Variants in FUT9 observed in about 807,000 individuals in gnomAD.
FUT9 encodes the protein 4-galactosyl-N-acetylglucosaminide 3-alpha-L-fucosyltransferase 9.
A neutral mutation model predicts 29.7 loss-of-function variants in FUT9; 15 were observed. The observed-to-expected ratio is 0.51, with a 90% CI of 0.34 to 0.78. FUT9 has a LOEUF of 0.78. Among genes scored for constraint, FUT9 ranks in the 30% least tolerant of loss-of-function variants. The pLI, the probability that FUT9 is intolerant of heterozygous loss-of-function variation, is 0.01. For missense variants in FUT9, 319 were observed against 425.4 expected (o/e 0.75, Z 2.20); for synonymous variants, 169 against 153.7 (o/e 1.10, Z -0.74).
chr6:96,045,156 T>C (rs933026323), intron 1 of FUT9, among the ~76,000 whole-genome samples: 3 of 152,200 alleles, frequency 2.0e-5, no homozygotes, highest in East Asian at 1.9e-4. Flanking sequence ...TCTGCCATTA[T>C]ACTGAGGGGG....
intron 2 of FUT9, among the ~76,000 whole-genome samples, chr6:96,156,200 A>T (rs974964784): frequency 6.6e-6 from 1 of 152,166 alleles, no homozygotes; most frequent in African/African-American, 2.4e-5. Context: ...CAACTGGCAA[A>T]TACTTTGAGG....
intron 1 of FUT9, among the ~76,000 whole-genome samples, chr6:96,062,986 G>A (rs1324431537): frequency 1.3e-5 from 2 of 152,104 alleles, no homozygotes; most frequent in South Asian, 2.1e-4. Flanking sequence ...GGTGTTGCTG[G>A]AATGATGTGG....
chr6:96,083,816 T>C (rs1582218252), intron 1 of FUT9, among the ~76,000 whole-genome samples: 1 of 152,236 alleles, frequency 6.6e-6, no homozygotes, highest in East Asian at 1.9e-4. Context: ...TTCGATATAA[T>C]AGCATTTCTC....
intron 1 of FUT9, among the ~76,000 whole-genome samples, chr6:96,046,629 T>C (rs188515264): frequency 9.9e-5 from 15 of 152,264 alleles, no homozygotes; most frequent in African/African-American, 3.6e-4. Context: ...AACTTGTGTA[T>C]TTCATGCCCC....
Position 96,209,476 on chromosome 6 carries a change from A to G in FUT9, c.*5241A>G, listed in dbSNP as rs563229015. ...ATCTTAATTGCCTGCAGAAAAATCA[A>G]TCATATTTTAGGCATTATTTTGAAA... On this transcript the variant is annotated 3_prime_UTR_variant, in exon 3 of 3. Transcript: ENST00000302103. 1 of 166,870 alleles carries G rather than the reference A, an allele frequency of 6.0e-6. No homozygotes were observed. The highest frequency in any genetic ancestry group is 1.5e-5 in the Non-Finnish European group (1 of 68,040). The allele number at this position is 166,870 out of a possible 1,614,324, so 10.3% of individuals were successfully genotyped here.
In FUT9 at chr6:96,204,295, G is replaced by C. The variant is rs1773786757; in HGVS notation, c.*60G>C. ...TGATGAGATATCATCCAAGTATTGA[G>C]GATAAGAAGAGATGCAACATACTAC... On this transcript the variant is annotated 3_prime_UTR_variant, in exon 3 of 3. Transcript: ENST00000302103. 16 of 1,207,570 alleles carry C rather than the reference G, an allele frequency of 1.3e-5. No homozygotes were observed. Among genetic ancestry groups the C allele is most frequent in the Non-Finnish European group, 3.3e-6 (3 of 901,544 alleles). The allele number at this position is 1,207,570 out of a possible 1,614,324, so 74.8% of individuals were successfully genotyped here.
At chr6:96,191,863 T>C (rs1179151366) in intron 2 of FUT9, among the ~76,000 whole-genome samples, 5 of 152,162 alleles carry the variant, frequency 3.3e-5, no homozygotes, top group Non-Finnish European at 7.4e-5. Flanking sequence ...CATGACCAAG[T>C]CGGCTTCATC....
chr6:96,124,521 GT>G (rs1772096214), intron 2 of FUT9, among the ~76,000 whole-genome samples: 1 of 151,680 alleles, frequency 6.6e-6, no homozygotes, highest in Non-Finnish European at 1.5e-5. Flanking sequence ...TTGTTTTTTT[GT>G]TTCATTTTTT....
chr6:96,105,941 A>T (rs1771672048), intron 1 of FUT9, among the ~76,000 whole-genome samples: 1 of 152,186 alleles, frequency 6.6e-6, no homozygotes, highest in Non-Finnish European at 1.5e-5. Flanking sequence ...AAATTTTAAG[A>T]ACCCAGTGTT....
intron 1 of FUT9, among the ~76,000 whole-genome samples, chr6:96,078,405 C>CTGATTTTTTTTTTTTTTTT (rs1201729276): frequency 1.1e-4 from 5 of 45,192 alleles, no homozygotes; most frequent in Non-Finnish European, 1.7e-4. Flanking sequence ...TCATATTAGT[C>CTGATTTTTTTTTTTTTTTT]TTCTTTTTTT....
chr6:96,111,305 T>C (rs534912648), intron 1 of FUT9, among the ~76,000 whole-genome samples: 49 of 152,126 alleles, frequency 3.2e-4, no homozygotes, highest in Middle Eastern at 3.4e-3. Context: ...CAGAAAGACA[T>C]GTAGAAAAGC....
chr6:96,140,290 T>C (rs1309770267), intron 2 of FUT9, among the ~76,000 whole-genome samples: 1 of 152,204 alleles, frequency 6.6e-6, no homozygotes, highest in East Asian at 1.9e-4. Flanking sequence ...TTTAAGTCTC[T>C]AGGAAGTCTC....
At chr6:96,192,929 C>G (rs1311204764) in intron 2 of FUT9, among the ~76,000 whole-genome samples, 2 of 151,838 alleles carry the variant, frequency 1.3e-5, no homozygotes, top group African/African-American at 4.8e-5. Context: ...CTTTGACAAA[C>G]CTGACAAAAA....
chr6:96,087,931 A>T (rs1582220661), intron 1 of FUT9, among the ~76,000 whole-genome samples: 4 of 152,134 alleles, frequency 2.6e-5, no homozygotes, highest in Non-Finnish European at 4.4e-5. Context: ...AATGTTTATT[A>T]GCTCTTGTAT....
intron 1 of FUT9, among the ~76,000 whole-genome samples, chr6:96,078,408 CTTTTTTTTTTT>C (rs71012536): frequency 0.027 from 1,183 of 44,198 alleles, 18 homozygotes; most frequent in Admixed American, 0.037. Context: ...TATTAGTCTT[CTTTTTTTTTTT>C]TTTTTTTTTT....
At chr6:96,202,787 T>C (rs996709232) in intron 2 of FUT9, among the ~76,000 whole-genome samples, 1 of 152,168 alleles carries the variant, frequency 6.6e-6, no homozygotes, top group African/African-American at 2.4e-5. Flanking sequence ...AAATCTGATG[T>C]GGTTACAAAA....
intron 2 of FUT9, among the ~76,000 whole-genome samples, chr6:96,182,445 C>T (rs1421822189): frequency 6.6e-6 from 1 of 151,692 alleles, no homozygotes; most frequent in Non-Finnish European, 1.5e-5. Flanking sequence ...AGCTATTTAT[C>T]TTTGGTTTTA....
rs200547207 is a variant in FUT9, at chr6:96,056,960, T to C, written c.-98+40748T>C. The stretch of plus-strand genomic sequence containing the variant: ...ACACAACAATTTTAGTTTTCACTGT[T>C]AGTGTTCAATAACTTACATGAGATA... On this transcript the variant is annotated intron_variant, in intron 1 of 2. Transcript: ENST00000302103. Among the ~76,000 whole-genome samples the C allele has an allele frequency of 2.6e-5, 4 of 152,182 alleles. No homozygotes were observed. In the East Asian group the frequency reaches 7.7e-4, roughly 29 times the overall value.
intron 1 of FUT9, among the ~76,000 whole-genome samples, chr6:96,112,523 C>G (rs1252473846): frequency 6.6e-6 from 1 of 152,052 alleles, no homozygotes; most frequent in Non-Finnish European, 1.5e-5. Context: ...ATTTTTCTTT[C>G]AAGCATAGTC....
Sources: gnomAD v4.1 joint callset for allele counts (sites outside exome capture counted in the v4.1 genomes callset) on GRCh38, gnomAD v4.1.1 for gene constraint, MANE v1.5 for transcripts, NCBI Gene and HGNC (gene_info 2026-07-23, HGNC 2026-07-21) for gene names.